RBFOX1: variants seen among roughly 807,000 people sequenced by gnomAD.
RBFOX1 encodes RNA binding protein fox-1 homolog 1.
Under a neutral mutation model 57.7 loss-of-function variants are expected in RBFOX1, and 8 were observed. The observed-to-expected ratio is 0.14, with a 90% CI of 0.08 to 0.25. The LOEUF is 0.25. Among genes scored for constraint, RBFOX1 ranks in the 10% least tolerant of loss-of-function variants. The pLI, the probability that RBFOX1 is intolerant of heterozygous loss-of-function variation, is 1.00. For missense variants in RBFOX1, 611 were observed against 548.5 expected, an observed-to-expected ratio of 1.11 and a Z score of -1.14; for synonymous variants, 326 against 222.4, an observed-to-expected ratio of 1.47 and a Z score of -4.15.
rs57553411 is a variant in RBFOX1 at position 7,464,688 on chromosome 16, C to CTTTTTTTT, written c.28-53440_28-53433dup. Among the ~76,000 whole-genome samples, 21 of 62,272 alleles carry CTTTTTTTT rather than the reference C, an allele frequency of 3.4e-4. 1 individual carries two copies. The highest frequency in any genetic ancestry group is 1.4e-3 in the African/African-American group (20 of 14,474). 40.9% of individuals were successfully genotyped at this position (62,272 alleles called of 152,430 possible). Reference sequence around the variant, plus strand: ...CCGAAATACTTCTTGTATTGTCTGTCTTTTTTTTTTTTTTTTTTTTTTTTT... The same window carrying CTTTTTTTT: ...CCGAAATACTTCTTGTATTGTCTGTCTTTTTTTTTTTTTTTTTTTTTTTTTTTTTTTTT... On this transcript the variant is annotated intron_variant, in intron 4 of 15. Transcript: ENST00000550418.
chr16:5,978,926 A>AT (rs1212422130), intron 4 of RBFOX1, among the ~76,000 whole-genome samples: 1 of 152,162 alleles, frequency 6.6e-6, no homozygotes, highest in Non-Finnish European at 1.5e-5. Context: ...CAGCTTCTCC[A>AT]TTGTGAAGTC....
intron 2 of RBFOX1, among the ~76,000 whole-genome samples, chr16:6,610,276 T>C (rs910649131): frequency 1.3e-5 from 2 of 152,098 alleles, no homozygotes; most frequent in African/African-American, 2.4e-5. Flanking sequence ...ATGGCATTAT[T>C]AGTAAGCATG....
rs549909413 is a variant in RBFOX1 at position 6,795,685 on chromosome 16, G to T, written c.-16+141035G>T. On this transcript the variant is annotated intron_variant, in intron 3 of 15. Transcript: ENST00000550418. ...GGAGGCTGAGGCAGGAGAATCGCTTGAAACCAGAAGGCAGAGGTTGCAGTT... is the reference window on the plus strand; with the variant it reads ...GGAGGCTGAGGCAGGAGAATCGCTTTAAACCAGAAGGCAGAGGTTGCAGTT... 4.0e-5 allele frequency among the ~76,000 whole-genome samples: 6 copies of T among 151,656 alleles called. No homozygotes were observed. The East Asian group carries it at 9.7e-4, about 25-fold the overall frequency.
chr16:6,255,529 C>T (rs1190768967), intron 1 of RBFOX1, among the ~76,000 whole-genome samples: 1 of 152,044 alleles, frequency 6.6e-6, no homozygotes, highest in Non-Finnish European at 1.5e-5. Context: ...AGGACCCCTC[C>T]TCATACAAAT....
intron 3 of RBFOX1, among the ~76,000 whole-genome samples, chr16:5,785,254 C>G (rs576590938): frequency 6.6e-6 from 1 of 152,270 alleles, no homozygotes; most frequent in East Asian, 1.9e-4. Flanking sequence ...TATGTTCAAC[C>G]TCAACTAAGG....
chr16:6,457,409 A>C (rs1033682884), intron 2 of RBFOX1, among the ~76,000 whole-genome samples: 5 of 127,746 alleles, frequency 3.9e-5, no homozygotes, highest in African/African-American at 8.1e-5. Flanking sequence ...CCCTTGTGTT[A>C]TTTTCTGGTG....
At chr16:7,649,893 C>T (rs912619212) in intron 11 of RBFOX1, among the ~76,000 whole-genome samples, 1 of 151,750 alleles carries the variant, frequency 6.6e-6, no homozygotes, top group African/African-American at 2.4e-5. Context: ...AAAAAAATTC[C>T]AAAGTGACTG....
chr16:6,328,723 G>C (rs924446037), intron 2 of RBFOX1, among the ~76,000 whole-genome samples: 21 of 149,376 alleles, frequency 1.4e-4, no homozygotes, highest in African/African-American at 5.1e-4. Flanking sequence ...CTCTTGTGAA[G>C]ATTAAATAAA....
At chr16:6,081,327 G>A (rs1346375911) in intron 1 of RBFOX1, among the ~76,000 whole-genome samples, 1 of 152,132 alleles carries the variant, frequency 6.6e-6, no homozygotes, top group Non-Finnish European at 1.5e-5. Context: ...CTCGTCCCCT[G>A]GGTGCTGAAA....
intron 2 of RBFOX1, among the ~76,000 whole-genome samples, chr16:6,485,481 G>T (rs1320082020): frequency 6.6e-6 from 1 of 151,664 alleles, no homozygotes; most frequent in East Asian, 1.9e-4. Flanking sequence ...AACCTTTTAG[G>T]TATCTTTGCT....
intron 4 of RBFOX1, among the ~76,000 whole-genome samples, chr16:7,062,434 G>T (rs2054657909): frequency 6.6e-6 from 1 of 152,078 alleles, no homozygotes. Context: ...CTTGTATGTG[G>T]ATGAATCATG....
chr16:5,412,902 G>A (rs2067060775), intron 1 of RBFOX1, among the ~76,000 whole-genome samples: 1 of 152,180 alleles, frequency 6.6e-6, no homozygotes, highest in African/African-American at 2.4e-5. Flanking sequence ...CCAGCGAGAG[G>A]CGCCACCCAC....
intron 2 of RBFOX1, among the ~76,000 whole-genome samples, chr16:6,517,440 G>C (rs578126415): frequency 6.6e-6 from 1 of 152,038 alleles, no homozygotes; most frequent in South Asian, 2.1e-4. Context: ...CTTCTCTGCT[G>C]GACAGAGAAA....
chr16:5,483,363 G>C (rs2069613243), intron 2 of RBFOX1, among the ~76,000 whole-genome samples: 1 of 152,216 alleles, frequency 6.6e-6, no homozygotes, highest in African/African-American at 2.4e-5. Context: ...TGTGACTGCT[G>C]CTCTTTCCCA....
At chr16:5,481,702 G>A (rs4419059) in intron 2 of RBFOX1, among the ~76,000 whole-genome samples, 53,651 of 152,084 alleles carry the variant, frequency 0.35, 10,467 homozygotes, top group South Asian at 0.54. Flanking sequence ...ACCACAGCCC[G>A]TGTGGCTTAG....
intron 4 of RBFOX1, among the ~76,000 whole-genome samples, chr16:7,488,389 A>G (rs1401085965): frequency 4.6e-5 from 7 of 152,110 alleles, no homozygotes; most frequent in African/African-American, 1.7e-4. Flanking sequence ...ACAGATATAT[A>G]TGGACCTCTA....
chr16:6,498,157 C>G (rs1240424291), intron 2 of RBFOX1, among the ~76,000 whole-genome samples: 1 of 150,988 alleles, frequency 6.6e-6, no homozygotes, highest in Non-Finnish European at 1.5e-5. Context: ...AAGGCTGAGG[C>G]ACGAGAATCA....
chr16:7,413,142 G>A (rs57227503), intron 4 of RBFOX1, among the ~76,000 whole-genome samples: 2,449 of 152,254 alleles, frequency 0.016, 67 homozygotes, highest in African/African-American at 0.055. Flanking sequence ...GAAAAAAAAT[G>A]TAGGTCACAA....
intron 4 of RBFOX1, among the ~76,000 whole-genome samples, chr16:7,236,962 G>C (rs2093798566): frequency 6.6e-6 from 1 of 152,188 alleles, no homozygotes; most frequent in Non-Finnish European, 1.5e-5. Flanking sequence ...TATAAACTCT[G>C]TGTAACTAGG....
Sources: gnomAD v4.1 joint callset for allele counts (sites outside exome capture counted in the v4.1 genomes callset) on GRCh38, gnomAD v4.1.1 for gene constraint, MANE v1.5 for transcripts, NCBI Gene and HGNC (gene_info 2026-07-23, HGNC 2026-07-21) for gene names.